The following ACSM2B variants were observed in gnomAD, a reference collection of about 807,000 sequenced individuals.
ACSM2B encodes the protein acyl-CoA synthetase medium chain family member 2B.
In ACSM2B, 58 loss-of-function variants were observed where a neutral mutation model predicts 78.6. The observed-to-expected ratio is 0.74, with a 90% CI of 0.60 to 0.92. The LOEUF is 0.92. Among genes scored for constraint, ACSM2B ranks in the 40% least tolerant of loss-of-function variants. The pLI is 0.00. For synonymous variants in ACSM2B, 257 were observed against 256.8 expected (o/e 1.00, Z -0.01); for missense variants, 688 against 711.2 (o/e 0.97, Z 0.37).
At chr16:20,554,178 C>A (rs1283235561) in intron 4 of ACSM2B, 3 of 634,038 alleles carry the variant, frequency 4.7e-6, no homozygotes, top group Non-Finnish European at 8.6e-6. Flanking sequence ...CACTTTATAT[C>A]TGCAAAAAAG....
chr16:20,555,573 G>C (rs2015449196), intron 3 of ACSM2B, 97 bp from the exon 4 acceptor site: 3 of 1,565,088 alleles, frequency 1.9e-6, no homozygotes, highest in Non-Finnish European at 2.6e-6. Context: ...AGTGGGGAAG[G>C]AGAGGATGGG....
chr16:20,559,279 C>G lies in ACSM2B; in HGVS notation c.346G>C (p.Val116Leu). ...AGGATCACCAGCCACCACTCAGGCA[C>G]TCGGGGCAGCATCACTGCCACACGA... ...GDRVAVMLPR[V>L]PEWWLVILGC... Residue 116 changes from valine to leucine, a missense_variant, in exon 3 of 14, where the codon GTG becomes CTG. By Grantham distance (32) the Val-to-Leu change is conservative (BLOSUM62 1). Coordinates refer to ENST00000329697, the MANE Select transcript of ACSM2B (RefSeq NM_001105069.2). The G allele has an allele frequency of 6.2e-7, 1 of 1,613,688 alleles. No individual in the cohort carries two copies. The highest frequency in any genetic ancestry group is 1.1e-5 in the South Asian group (1 of 91,046).
At chr16:20,555,524 T>A (rs1390562281) in intron 3 of ACSM2B, 48 bp from the exon 4 acceptor site, 2 of 1,608,016 alleles carry the variant, frequency 1.2e-6, no homozygotes, top group Non-Finnish European at 1.7e-6. Context: ...GTTTTCTTTG[T>A]CCCTAGAGAA....
chr16:20,542,620 G>A, intron 12 of ACSM2B: 1 of 388,742 alleles, frequency 2.6e-6, no homozygotes, highest in East Asian at 4.6e-5. Flanking sequence ...ATACCCAGTA[G>A]TGGGATTGCT....
chr16:20,560,555 G>T (rs1174402579), intron 2 of ACSM2B, among the ~76,000 whole-genome samples: 1 of 152,024 alleles, frequency 6.6e-6, no homozygotes, highest in Admixed American at 6.6e-5. Context: ...TGTACACTGT[G>T]CAGAACTTTG....
At chr16:20,567,384 A>G (rs1311992558) in intron 1 of ACSM2B, among the ~76,000 whole-genome samples, 1 of 113,776 alleles carries the variant, frequency 8.8e-6, no homozygotes, top group Non-Finnish European at 1.6e-5. Flanking sequence ...TATATAGTAT[A>G]ATATTACATA....
rs548608222 is a variant in ACSM2B at position 20,559,967 on chromosome 16, A to T, written c.178-520T>A. 2.6e-5 allele frequency among the ~76,000 whole-genome samples: 4 copies of T among 151,214 alleles called. 1 individual carries two copies. The South Asian group carries it at 6.3e-4, about 24-fold the overall frequency. ...GGCAAATATCACTTTAGATTTATTT[A>T]TATATTTATCTCTATCTACTTACTT... On this transcript the variant is annotated intron_variant, in intron 2 of 13. Transcript: ENST00000329697.
At chr16:20,565,149 G>GT (rs2015786284) in intron 1 of ACSM2B, among the ~76,000 whole-genome samples, 1 of 152,176 alleles carries the variant, frequency 6.6e-6, no homozygotes, top group East Asian at 1.9e-4. Flanking sequence ...AATACAGTGG[G>GT]TCATAGATGG....
chr16:20,547,094 T>C (rs903793324), intron 8 of ACSM2B: 1 of 977,570 alleles, frequency 1.0e-6, no homozygotes. Flanking sequence ...TTTTCTCAGA[T>C]CTAGCCTGGA....
intron 3 of ACSM2B, among the ~76,000 whole-genome samples, chr16:20,557,996 C>T (rs1394369114): frequency 6.6e-6 from 1 of 152,182 alleles, no homozygotes; most frequent in East Asian, 1.9e-4. Context: ...CCTCCTGAAA[C>T]TAACTGTGTC....
chr16:20,538,474 G>A (rs1416117099), intron 13 of ACSM2B, among the ~76,000 whole-genome samples: 1 of 152,180 alleles, frequency 6.6e-6, no homozygotes, highest in Non-Finnish European at 1.5e-5. Context: ...GGTAGATAGA[G>A]AGTGGATGAA....
chr16:20,546,596 C>T lies in ACSM2B; in HGVS notation c.1099-122G>A, dbSNP rs1281931045. The T allele has an allele frequency of 2.1e-6, 3 of 1,407,324 alleles. No individual in the cohort carries two copies. The African/African-American group carries it at 4.3e-5, about 20-fold the overall frequency. 87.2% of individuals were successfully genotyped at this position (1,407,324 alleles called of 1,614,324 possible). A position where few individuals can be genotyped will look rare whatever the true frequency, so the allele number is the denominator to read the frequency against. ...TGAACTTGGCCTGCACTTGGTGGCTCCCCCTGCTCCTCATTCCCTGGCTCT... is the reference window on the plus strand; with the variant it reads ...TGAACTTGGCCTGCACTTGGTGGCTTCCCCTGCTCCTCATTCCCTGGCTCT... On this transcript the variant is annotated intron_variant, in intron 8 of 13. Transcript: ENST00000329697.
chr16:20,545,984 A>G (rs553014526), intron 9 of ACSM2B, among the ~76,000 whole-genome samples: 65 of 152,340 alleles, frequency 4.3e-4, no homozygotes, highest in Non-Finnish European at 5.3e-4. Context: ...CAGTGGATAC[A>G]TACTATTTAA....
Position 20,544,741 on chromosome 16 carries a change from C to T in ACSM2B, c.1281+416G>A, listed in dbSNP as rs543813257. 20 of 986,154 alleles carry T rather than the reference C, an allele frequency of 2.0e-5. 1 individual carries two copies. In the South Asian group the frequency reaches 8.9e-4, roughly 44 times the overall value. 61.1% of individuals were successfully genotyped at this position (986,154 alleles called of 1,614,324 possible). On this transcript the variant is annotated intron_variant, in intron 10 of 13. Transcript: ENST00000329697. ...CCAAGATCTGAAGATAGGGATTCCTCCAACTAGATGGTGAAGTCTCAACGT... is the reference window on the plus strand; with the variant it reads ...CCAAGATCTGAAGATAGGGATTCCTTCAACTAGATGGTGAAGTCTCAACGT...
chr16:20,539,674 G>C (rs1029364524), intron 13 of ACSM2B, among the ~76,000 whole-genome samples: 14 of 151,566 alleles, frequency 9.2e-5, no homozygotes, highest in African/African-American at 3.4e-4. Flanking sequence ...CATTGGCCTG[G>C]CTACAGGGAT....
At chr16:20,546,657 A>T in intron 8 of ACSM2B, 183 bp from the exon 9 acceptor site, 3 of 1,162,718 alleles carry the variant, frequency 2.6e-6, no homozygotes, top group Non-Finnish European at 3.4e-6. Flanking sequence ...TAGGGGCCTC[A>T]CTAAATTGTT....
At chr16:20,573,038 T>A (rs2016136375) in intron 1 of ACSM2B, among the ~76,000 whole-genome samples, 1 of 151,226 alleles carries the variant, frequency 6.6e-6, no homozygotes, top group African/African-American at 2.4e-5. Context: ...AGCTTAATAA[T>A]TGCCCTTCTG....
chr16:20,573,912 C>T (rs1216147752), intron 1 of ACSM2B, among the ~76,000 whole-genome samples: 1 of 150,714 alleles, frequency 6.6e-6, no homozygotes, highest in Non-Finnish European at 1.5e-5. Flanking sequence ...CTATGTCCTG[C>T]TGTGCACACA....
At position 20,552,333 on chromosome 16, in the gene ACSM2B, G is replaced by A. The variant is rs555214788; in HGVS notation, c.741-36C>T. Reference sequence around the variant, plus strand: ...AGACAAAACACATGTACATATAGGTGGGTGCATGCTTAGGATGCGTGGGAC... The same window carrying A: ...AGACAAAACACATGTACATATAGGTAGGTGCATGCTTAGGATGCGTGGGAC... On this transcript the variant is annotated intron_variant, in intron 5 of 13. Transcript: ENST00000329697. 7.2e-5 allele frequency: 114 copies of A among 1,591,004 alleles called. 2 individuals carry two copies. In the South Asian group the frequency reaches 1.2e-3, roughly 17 times the overall value.
Sources: allele counts gnomAD v4.1 joint callset (sites outside exome capture counted in the v4.1 genomes callset), GRCh38; gene constraint gnomAD v4.1.1; transcripts MANE v1.5; gene names NCBI Gene and HGNC (gene_info 2026-07-23, HGNC 2026-07-21).